CNTN3: variants seen among roughly 807,000 people sequenced by gnomAD.
CNTN3 encodes contactin 3, also known as contactin-3.
Under a neutral mutation model 119.1 loss-of-function variants are expected in CNTN3, and 60 were observed. That is an observed-to-expected ratio of 0.50 (90% CI 0.41 to 0.62). The LOEUF is 0.62. CNTN3 is among the 20% of genes least tolerant of loss of function. CNTN3 has a pLI of 0.00. For synonymous variants in CNTN3, 450 were observed against 438.7 expected, an observed-to-expected ratio of 1.03 and a Z score of -0.32; for missense variants, 1,101 against 1,242.4, an observed-to-expected ratio of 0.89 and a Z score of 1.71.
chr3:74,483,856 C>T (rs1038026442), intron 4 of CNTN3, among the ~76,000 whole-genome samples: 2 of 152,074 alleles, frequency 1.3e-5, no homozygotes, highest in Non-Finnish European at 2.9e-5. Flanking sequence ...CTTCACCCCA[C>T]TCTGCCCATA....
intron 13 of CNTN3, among the ~76,000 whole-genome samples, chr3:74,304,152 A>G (rs936457031): frequency 5.3e-5 from 8 of 152,252 alleles, no homozygotes; most frequent in African/African-American, 1.9e-4. Context: ...GTTCTCTGTT[A>G]GTTGTATTGC....
intron 5 of CNTN3, among the ~76,000 whole-genome samples, chr3:74,393,416 A>G (rs1318588505): frequency 6.6e-6 from 1 of 152,212 alleles, no homozygotes; most frequent in Non-Finnish European, 1.5e-5. Flanking sequence ...ACACAATTCT[A>G]AAACTTTTTA....
At chr3:74,310,822 A>T (rs926856128) in intron 13 of CNTN3, among the ~76,000 whole-genome samples, 1 of 152,204 alleles carries the variant, frequency 6.6e-6, no homozygotes, top group Non-Finnish European at 1.5e-5. Context: ...ATGTTGCTAC[A>T]GCCATCTTTG....
chr3:74,398,733 A>C (rs974124735), intron 5 of CNTN3, among the ~76,000 whole-genome samples: 5 of 152,246 alleles, frequency 3.3e-5, no homozygotes, highest in Non-Finnish European at 7.3e-5. Flanking sequence ...ATGAGAAGTC[A>C]TACTATTAGC....
chr3:74,597,347 CA>C (rs1219292453), intron 1 of CNTN3, among the ~76,000 whole-genome samples: 2 of 151,830 alleles, frequency 1.3e-5, no homozygotes, highest in African/African-American at 2.4e-5. Context: ...CTTCCCTAAG[CA>C]AAAATCTTTC....
chr3:74,583,834 C>A (rs887395680), intron 1 of CNTN3, among the ~76,000 whole-genome samples: 1 of 152,112 alleles, frequency 6.6e-6, no homozygotes, highest in African/African-American at 2.4e-5. Flanking sequence ...TTTTCCCCCT[C>A]ATTTAGGGTG....
At chr3:74,308,167 C>T (rs920925264) in intron 13 of CNTN3, among the ~76,000 whole-genome samples, 1 of 152,166 alleles carries the variant, frequency 6.6e-6, no homozygotes, top group Admixed American at 6.6e-5. Context: ...TTAAACCTTG[C>T]CCCCACCAAT....
chr3:74,453,403 C>G (rs1331925266), intron 4 of CNTN3, among the ~76,000 whole-genome samples: 3 of 152,076 alleles, frequency 2.0e-5, no homozygotes, highest in Non-Finnish European at 4.4e-5. Flanking sequence ...TGATTCTTCT[C>G]TCTTTTTTTC....
At chr3:74,349,696 C>T (rs904372236) in intron 11 of CNTN3, among the ~76,000 whole-genome samples, 1 of 152,064 alleles carries the variant, frequency 6.6e-6, no homozygotes, top group Non-Finnish European at 1.5e-5. Flanking sequence ...TGATATTGGG[C>T]GTTTCTATGA....
chr3:74,509,423 G>A (rs965958453), intron 2 of CNTN3, among the ~76,000 whole-genome samples: 2 of 150,990 alleles, frequency 1.3e-5, no homozygotes, highest in African/African-American at 4.9e-5. Context: ...TCAGCCTCCT[G>A]AGTATCTGGG....
chr3:74,297,921 T>G (rs762350116), intron 18 of CNTN3, 36 bp downstream of exon 18: 2 of 1,467,950 alleles, frequency 1.4e-6, no homozygotes, highest in Middle Eastern at 3.5e-4. Flanking sequence ...ATAATTATTA[T>G]TAGGCGGAAC....
chr3:74,310,420 C>A (rs544280982), intron 13 of CNTN3, among the ~76,000 whole-genome samples: 1 of 152,202 alleles, frequency 6.6e-6, no homozygotes, highest in South Asian at 2.1e-4. Context: ...GAGGACTCAT[C>A]TCCATTGGAC....
chr3:74,324,314 C>T lies in CNTN3; in HGVS notation c.1668+10421G>A, dbSNP rs183377369. Among the ~76,000 whole-genome samples, 585 of 151,978 alleles carry T rather than the reference C, an allele frequency of 3.8e-3. 4 individuals are homozygous for T. The highest frequency in any genetic ancestry group is 0.013 in the African/African-American group (552 of 41,424). On this transcript the variant is annotated intron_variant, in intron 13 of 22. Coordinates refer to ENST00000263665, the MANE Select transcript of CNTN3 (RefSeq NM_020872.3). ...GCAACCTCTGCCTCCCGGGTTCAAG[C>T]GATTCTCCTGTCTCAGCCTCCCGAG...
At chr3:74,589,564 C>G (rs2106683753) in intron 1 of CNTN3, among the ~76,000 whole-genome samples, 1 of 142,980 alleles carries the variant, frequency 7.0e-6, no homozygotes, top group African/African-American at 2.7e-5. Flanking sequence ...CCTCAGGGAT[C>G]TAGAACTAGA....
intron 1 of CNTN3, among the ~76,000 whole-genome samples, chr3:74,545,009 T>C (rs1014505420): frequency 1.3e-5 from 2 of 152,188 alleles, no homozygotes; most frequent in African/African-American, 4.8e-5. Context: ...AAATACCATA[T>C]GCAATATGAC....
intron 1 of CNTN3, among the ~76,000 whole-genome samples, chr3:74,558,486 T>C (rs1356779572): frequency 6.6e-6 from 1 of 152,186 alleles, no homozygotes; most frequent in Non-Finnish European, 1.5e-5. Flanking sequence ...CAGAGCCTTC[T>C]TGCTGAATAC....
intron 5 of CNTN3, among the ~76,000 whole-genome samples, chr3:74,399,295 AC>A (rs1221109737): frequency 6.6e-6 from 1 of 150,914 alleles, no homozygotes; most frequent in East Asian, 2.0e-4. Context: ...CCTTCCTCCC[AC>A]CCTCCACTTT....
chr3:74,273,586 A>G (rs1295115899), intron 20 of CNTN3, among the ~76,000 whole-genome samples: 1 of 152,164 alleles, frequency 6.6e-6, no homozygotes, highest in Non-Finnish European at 1.5e-5. Flanking sequence ...TTCCGACCTT[A>G]CCTGGAGCTG....
chr3:74,402,819 G>A (rs1705231289), intron 5 of CNTN3, among the ~76,000 whole-genome samples: 1 of 152,174 alleles, frequency 6.6e-6, no homozygotes, highest in African/African-American at 2.4e-5. Flanking sequence ...CAGGAAAGTG[G>A]ACCTCTTTGT....
Sources: gnomAD v4.1 joint callset for allele counts (sites outside exome capture counted in the v4.1 genomes callset) on GRCh38, gnomAD v4.1.1 for gene constraint, MANE v1.5 for transcripts, NCBI Gene and HGNC (gene_info 2026-07-23, HGNC 2026-07-21) for gene names.